Variants in ROBO1 observed in about 807,000 individuals in gnomAD.
The protein encoded by ROBO1 is roundabout guidance receptor 1.
In ROBO1, 149 loss-of-function variants were observed where a neutral mutation model predicts 195.9. The ratio of observed to expected loss-of-function variants is 0.76; its 90% CI spans 0.67 to 0.87. The LOEUF is 0.87. Ranked by LOEUF, ROBO1 falls within the 40% of genes least tolerant of loss-of-function variation. ROBO1 has a pLI of 0.00. For synonymous variants in ROBO1, 816 were observed against 733.2 expected, an observed-to-expected ratio of 1.11 and a Z score of -1.82; for missense variants, 1,933 against 2,068.3, an observed-to-expected ratio of 0.93 and a Z score of 1.27.
At chr3:79,107,032 A>G (rs913153320) in intron 3 of ROBO1, among the ~76,000 whole-genome samples, 11 of 151,618 alleles carry the variant, frequency 7.3e-5, no homozygotes, top group African/African-American at 1.5e-4. Context: ...AAAGCTTACC[A>G]TAGATACAGG....
At chr3:78,644,168 T>C (rs1232749482) in intron 21 of ROBO1, among the ~76,000 whole-genome samples, 1 of 152,048 alleles carries the variant, frequency 6.6e-6, no homozygotes, top group African/African-American at 2.4e-5. Context: ...CATCCGTAAG[T>C]GGCTAGGAAT....
chr3:79,289,692 T>C, intron 2 of ROBO1, among the ~76,000 whole-genome samples: 1 of 152,150 alleles, frequency 6.6e-6, no homozygotes, highest in East Asian at 1.9e-4. Flanking sequence ...TTTTATGAAA[T>C]ACAAAAATAA....
chr3:79,630,084 A>G (rs1249175562), intron 1 of ROBO1, among the ~76,000 whole-genome samples: 1 of 152,054 alleles, frequency 6.6e-6, no homozygotes, highest in African/African-American at 2.4e-5. Flanking sequence ...AGTATTACTA[A>G]AACTATTCTA....
chr3:79,553,834 C>T (rs1041197636), intron 2 of ROBO1, among the ~76,000 whole-genome samples: 3 of 152,024 alleles, frequency 2.0e-5, no homozygotes, highest in African/African-American at 7.2e-5. Context: ...AGCACAGATC[C>T]TGTTTTGAGG....
intron 3 of ROBO1, among the ~76,000 whole-genome samples, chr3:79,052,937 C>T (rs542106213): frequency 6.6e-6 from 1 of 152,104 alleles, no homozygotes; most frequent in South Asian, 2.1e-4. Flanking sequence ...CTTATCTCTG[C>T]TATATTAAAC....
At chr3:79,762,493 T>TTTTTTTTTTTTTTTTTTTTTTTTG (rs1704754177) in intron 1 of ROBO1, among the ~76,000 whole-genome samples, 1 of 151,824 alleles carries the variant, frequency 6.6e-6, no homozygotes, top group Non-Finnish European at 1.5e-5. Flanking sequence ...GAGGAATACT[T>TTTTTTTTTTTTTTTTTTTTTTTTG]AAACCTATTT....
At chr3:78,687,039 T>C (rs1209317418) in intron 9 of ROBO1, among the ~76,000 whole-genome samples, 1 of 152,198 alleles carries the variant, frequency 6.6e-6, no homozygotes, top group Middle Eastern at 3.2e-3. Flanking sequence ...CATTCTTTTA[T>C]AAACATTTAA....
chr3:79,180,259 T>G, intron 2 of ROBO1, among the ~76,000 whole-genome samples: 1 of 152,370 alleles, frequency 6.6e-6, no homozygotes, highest in South Asian at 2.1e-4. Flanking sequence ...TCTCATTTAT[T>G]AATTTATTTC....
chr3:78,726,463 T>C (rs771314860), intron 5 of ROBO1, among the ~76,000 whole-genome samples: 1 of 152,098 alleles, frequency 6.6e-6, no homozygotes, highest in Non-Finnish European at 1.5e-5. Context: ...GCACCTGAGT[T>C]TAGAAATTAT....
intron 3 of ROBO1, among the ~76,000 whole-genome samples, chr3:79,068,047 C>G (rs923270186): frequency 6.6e-6 from 1 of 152,068 alleles, no homozygotes; most frequent in Non-Finnish European, 1.5e-5. Flanking sequence ...AATGAGAAAG[C>G]ACCCAAGATT....
chr3:79,585,493 C>T (rs187080852), intron 2 of ROBO1, among the ~76,000 whole-genome samples: 1 of 151,920 alleles, frequency 6.6e-6, no homozygotes, highest in Non-Finnish European at 1.5e-5. Flanking sequence ...ATGAAAATAA[C>T]AAGAAACATA....
chr3:79,544,263 T>G lies in ROBO1; in HGVS notation c.88+45561A>C, dbSNP rs1942182306. On this transcript the variant is annotated intron_variant, in intron 2 of 30. Transcript: ENST00000464233. ...CTAATCTACATTAATATATATATTTTCTAGGATAAATATTTTATATCTCAC... is the reference window on the plus strand; with the variant it reads ...CTAATCTACATTAATATATATATTTGCTAGGATAAATATTTTATATCTCAC... Among the ~76,000 whole-genome samples the G allele has an allele frequency of 2.0e-5, 3 of 151,976 alleles. No homozygotes were observed. The South Asian group carries it at 6.2e-4, about 31-fold the overall frequency.
chr3:79,399,009 C>T (rs1225054662), intron 2 of ROBO1, among the ~76,000 whole-genome samples: 5 of 151,938 alleles, frequency 3.3e-5, no homozygotes, highest in African/African-American at 1.2e-4. Flanking sequence ...ACTAGACAGC[C>T]TCCATTGAGA....
chr3:79,614,505 G>A (rs1285801541), intron 1 of ROBO1, among the ~76,000 whole-genome samples: 1 of 152,078 alleles, frequency 6.6e-6, no homozygotes, highest in African/African-American at 2.4e-5. Flanking sequence ...AAATAAGTGT[G>A]CTTAGCGATG....
intron 2 of ROBO1, among the ~76,000 whole-genome samples, chr3:79,225,307 C>T (rs1341395692): frequency 1.3e-5 from 2 of 152,158 alleles, no homozygotes; most frequent in Non-Finnish European, 1.5e-5. Context: ...ATAGTCTCTC[C>T]TTGTTTAATG....
chr3:79,103,345 T>G (rs2079714023), intron 3 of ROBO1, among the ~76,000 whole-genome samples: 1 of 151,824 alleles, frequency 6.6e-6, no homozygotes, highest in Admixed American at 6.6e-5. Flanking sequence ...ACACCGGTTT[T>G]CGGTCAGCTT....
chr3:79,366,142 T>C (rs1437200764), intron 2 of ROBO1, among the ~76,000 whole-genome samples: 4 of 152,150 alleles, frequency 2.6e-5, no homozygotes, highest in Non-Finnish European at 4.4e-5. Context: ...TACTGCCCTC[T>C]AAACCTCAGT....
chr3:79,129,479 C>T (rs2080283030), intron 2 of ROBO1, among the ~76,000 whole-genome samples: 2 of 151,960 alleles, frequency 1.3e-5, no homozygotes, highest in Non-Finnish European at 2.9e-5. Context: ...AATCTTAAAA[C>T]AGTCTTTCAC....
intron 1 of ROBO1, among the ~76,000 whole-genome samples, chr3:79,638,406 T>C (rs1439950834): frequency 6.6e-6 from 1 of 152,188 alleles, no homozygotes; most frequent in Non-Finnish European, 1.5e-5. Flanking sequence ...TTTTTTATTT[T>C]TTGAGACAGA....
Sources: gnomAD v4.1 joint callset for allele counts (sites outside exome capture counted in the v4.1 genomes callset) on GRCh38, gnomAD v4.1.1 for gene constraint, MANE v1.5 for transcripts, NCBI Gene and HGNC (gene_info 2026-07-23, HGNC 2026-07-21) for gene names.